PTPRD: variants seen among roughly 807,000 people sequenced by gnomAD.
PTPRD encodes the protein protein tyrosine phosphatase receptor type D.
PTPRD carries 34 observed loss-of-function variants against 214.5 expected under a neutral mutation model. That is an observed-to-expected ratio of 0.16 (90% confidence interval 0.12 to 0.21). The LOEUF is 0.21. PTPRD is among the 10% of genes least tolerant of loss of function. The pLI is 1.00. For missense variants in PTPRD, 2,545 were observed against 2,398.7 expected, an observed-to-expected ratio of 1.06 and a Z score of -1.27; for synonymous variants, 1,128 against 845.7, an observed-to-expected ratio of 1.33 and a Z score of -5.79.
chr9:9,164,005 A>C (rs1200974127), intron 10 of PTPRD, among the ~76,000 whole-genome samples: 3 of 152,174 alleles, frequency 2.0e-5, no homozygotes, highest in Non-Finnish European at 1.5e-5. Flanking sequence ...CTACTGAAAT[A>C]TGACTTCAAC....
intron 4 of PTPRD, among the ~76,000 whole-genome samples, chr9:9,970,423 C>G (rs2095019217): frequency 8.0e-6 from 1 of 125,502 alleles, no homozygotes; most frequent in Non-Finnish European, 1.7e-5. Context: ...CAGCGAGACT[C>G]CTTCTCAAAA....
chr9:9,930,519 A>C (rs1424556728), intron 5 of PTPRD, among the ~76,000 whole-genome samples: 1 of 152,174 alleles, frequency 6.6e-6, no homozygotes, highest in Non-Finnish European at 1.5e-5. Context: ...TGTGTCACTC[A>C]AACTGGATAA....
At chr9:9,194,980 C>A (rs893884707) in intron 9 of PTPRD, among the ~76,000 whole-genome samples, 3 of 145,982 alleles carry the variant, frequency 2.1e-5, no homozygotes, top group African/African-American at 7.4e-5. Context: ...CCAGTTGAAC[C>A]CTACGTGTGT....
intron 11 of PTPRD, among the ~76,000 whole-genome samples, chr9:8,840,523 G>T (rs1275147907): frequency 6.6e-6 from 1 of 152,158 alleles, no homozygotes; most frequent in East Asian, 1.9e-4. Context: ...CAGTGTGAAA[G>T]CGGACTAATA....
At chr9:10,434,284 G>T (rs750486451) in intron 2 of PTPRD, among the ~76,000 whole-genome samples, 25 of 151,718 alleles carry the variant, frequency 1.6e-4, no homozygotes, top group Non-Finnish European at 1.0e-4. Flanking sequence ...TAATGAAAAG[G>T]TACCTCAAGG....
intron 11 of PTPRD, among the ~76,000 whole-genome samples, chr9:8,759,214 G>T (rs1032992418): frequency 4.0e-5 from 6 of 151,888 alleles, no homozygotes; most frequent in Non-Finnish European, 7.4e-5. Flanking sequence ...TAGAGATAAG[G>T]TTTAACTTTT....
chr9:9,560,140 C>G (rs994954768), intron 8 of PTPRD, among the ~76,000 whole-genome samples: 1 of 152,190 alleles, frequency 6.6e-6, no homozygotes, highest in Admixed American at 6.5e-5. Context: ...CAGCAATGTT[C>G]TTCTCTCAGA....
chr9:8,788,462 A>T (rs1393405759), intron 11 of PTPRD, among the ~76,000 whole-genome samples: 2 of 151,472 alleles, frequency 1.3e-5, no homozygotes, highest in Admixed American at 1.3e-4. Context: ...TTTAGTAGAG[A>T]CGGGGTTTCT....
chr9:9,421,405 C>T (rs188731022), intron 8 of PTPRD, among the ~76,000 whole-genome samples: 77 of 152,068 alleles, frequency 5.1e-4, no homozygotes, highest in African/African-American at 1.6e-3. Context: ...TTAGGAATCA[C>T]GAGAAAGACT....
chr9:9,424,711 G>A (rs568399806), intron 8 of PTPRD, among the ~76,000 whole-genome samples: 1 of 152,178 alleles, frequency 6.6e-6, no homozygotes, highest in East Asian at 1.9e-4. Context: ...TGTCTATCTA[G>A]CCTGAAGAAT....
intron 39 of PTPRD, among the ~76,000 whole-genome samples, chr9:8,346,112 C>A (rs1256530300): frequency 6.6e-6 from 1 of 152,068 alleles, no homozygotes; most frequent in East Asian, 1.9e-4. Flanking sequence ...CTCTCAGGCT[C>A]TCCTTGACAC....
intron 13 of PTPRD, among the ~76,000 whole-genome samples, chr9:8,636,220 A>C (rs1297779412): frequency 6.6e-6 from 1 of 152,154 alleles, no homozygotes; most frequent in Admixed American, 6.5e-5. Context: ...TTTCATTCTA[A>C]GCCATGCAAT....
intron 2 of PTPRD, among the ~76,000 whole-genome samples, chr9:10,426,390 G>A (rs1290397445): frequency 1.3e-5 from 2 of 151,600 alleles, no homozygotes; most frequent in African/African-American, 4.8e-5. Flanking sequence ...CTTCAAAAAA[G>A]CCCAAAAATT....
At chr9:9,965,796 A>C (rs960194309) in intron 4 of PTPRD, among the ~76,000 whole-genome samples, 1 of 152,194 alleles carries the variant, frequency 6.6e-6, no homozygotes, top group African/African-American at 2.4e-5. Context: ...CTACATTGTC[A>C]ACATTAAAAC....
intron 3 of PTPRD, among the ~76,000 whole-genome samples, chr9:10,132,664 A>C (rs1435069595): frequency 6.6e-6 from 1 of 152,208 alleles, no homozygotes; most frequent in Non-Finnish European, 1.5e-5. Context: ...TCCAGAAAAA[A>C]GTAGAGAACA....
intron 8 of PTPRD, among the ~76,000 whole-genome samples, chr9:9,458,259 G>A (rs957330519): frequency 6.6e-6 from 1 of 151,758 alleles, no homozygotes; most frequent in African/African-American, 2.4e-5. Flanking sequence ...AGTGTACAAT[G>A]GAAAATATAT....
chr9:8,420,121 C>A (rs1392666277), intron 35 of PTPRD, among the ~76,000 whole-genome samples: 2 of 152,076 alleles, frequency 1.3e-5, no homozygotes, highest in Non-Finnish European at 2.9e-5. Context: ...ATACCAAAAT[C>A]CTGACAAATT....
chr9:9,483,776 C>A (rs1335083544), intron 8 of PTPRD, among the ~76,000 whole-genome samples: 1 of 149,748 alleles, frequency 6.7e-6, no homozygotes, highest in Non-Finnish European at 1.5e-5. Flanking sequence ...GTAATGTCTT[C>A]TTTCTTTTTT....
intron 2 of PTPRD, among the ~76,000 whole-genome samples, chr9:10,441,213 C>A (rs1451298768): frequency 2.6e-5 from 4 of 151,808 alleles, no homozygotes; most frequent in Admixed American, 1.3e-4. Flanking sequence ...AGTTACCTTA[C>A]AATCATTCAA....
Sources: allele counts gnomAD v4.1 joint callset (sites outside exome capture counted in the v4.1 genomes callset), GRCh38; gene constraint gnomAD v4.1.1; transcripts MANE v1.5; gene names NCBI Gene and HGNC (gene_info 2026-07-23, HGNC 2026-07-21).